EPHA3: variants seen among roughly 807,000 people sequenced by gnomAD.
EPHA3 encodes the protein EPH receptor A3.
Under a neutral mutation model 107.1 loss-of-function variants are expected in EPHA3, and 42 were observed. That is an observed-to-expected ratio of 0.39 (90% CI 0.31 to 0.51). The LOEUF (loss-of-function observed/expected upper bound fraction) is 0.51. Among genes scored for constraint, EPHA3 ranks in the 20% least tolerant of loss-of-function variants. The pLI is 0.78. For synonymous variants in EPHA3, 461 were observed against 424.8 expected (o/e 1.09, Z -1.05); for missense variants, 1,183 against 1,211.2 (o/e 0.98, Z 0.35).
At chr3:89,410,494 T>G (rs534410029) in intron 9 of EPHA3, among the ~76,000 whole-genome samples, 1 of 152,116 alleles carries the variant, frequency 6.6e-6, no homozygotes, top group African/African-American at 2.4e-5. Flanking sequence ...TTTCCTTAAC[T>G]TCAGCAAAGT....
chr3:89,175,320 T>C (rs1705298151), intron 2 of EPHA3, among the ~76,000 whole-genome samples: 1 of 152,066 alleles, frequency 6.6e-6, no homozygotes, highest in South Asian at 2.1e-4. Flanking sequence ...GTTGGAAAAG[T>C]GTCAATATTT....
intron 13 of EPHA3, among the ~76,000 whole-genome samples, chr3:89,445,144 T>C (rs1331725424): frequency 6.6e-6 from 1 of 152,082 alleles, no homozygotes; most frequent in African/African-American, 2.4e-5. Flanking sequence ...CGCACACCTC[T>C]AATCCCAGCT....
At chr3:89,300,424 G>C (rs1432228924) in intron 3 of EPHA3, among the ~76,000 whole-genome samples, 1 of 151,678 alleles carries the variant, frequency 6.6e-6, no homozygotes, top group Non-Finnish European at 1.5e-5. Context: ...TACACACACA[G>C]AGACATACAA....
intron 2 of EPHA3, among the ~76,000 whole-genome samples, chr3:89,179,496 A>G (rs1278605229): frequency 6.6e-6 from 1 of 152,042 alleles, no homozygotes; most frequent in Non-Finnish European, 1.5e-5. Flanking sequence ...GGTCCAGACC[A>G]GTCCAAGGGG....
chr3:89,414,388 C>CT (rs201173779), intron 10 of EPHA3, among the ~76,000 whole-genome samples: 1 of 151,570 alleles, frequency 6.6e-6, no homozygotes, highest in African/African-American at 2.4e-5. Context: ...GTAGTAACTT[C>CT]TTTTTTACAA....
At chr3:89,432,751 T>G (rs1261143088) in intron 13 of EPHA3, among the ~76,000 whole-genome samples, 9 of 152,118 alleles carry the variant, frequency 5.9e-5, no homozygotes, top group Non-Finnish European at 1.3e-4. Context: ...TAACTCCTCT[T>G]TTGGCATAAA....
At chr3:89,344,361 G>T (rs1707595912) in intron 5 of EPHA3, among the ~76,000 whole-genome samples, 1 of 152,036 alleles carries the variant, frequency 6.6e-6, no homozygotes, top group South Asian at 2.1e-4. Context: ...TTCAGCAAAG[G>T]TGATAGAAGT....
chr3:89,271,567 C>G (rs1705669455), intron 3 of EPHA3, among the ~76,000 whole-genome samples: 1 of 151,846 alleles, frequency 6.6e-6, no homozygotes, highest in Non-Finnish European at 1.5e-5. Flanking sequence ...TTCCATTTAA[C>G]TGGTAGTATG....
chr3:89,371,283 T>G (rs1372605939), intron 5 of EPHA3, among the ~76,000 whole-genome samples: 1 of 151,710 alleles, frequency 6.6e-6, no homozygotes, highest in East Asian at 1.9e-4. Flanking sequence ...TTGAGCACAT[T>G]TAAACAAAAA....
At chr3:89,160,166 A>G (rs1212880189) in intron 2 of EPHA3, among the ~76,000 whole-genome samples, 3 of 152,110 alleles carry the variant, frequency 2.0e-5, no homozygotes, top group Non-Finnish European at 2.9e-5. Context: ...GTAAATGAAC[A>G]TAATATATAA....
intron 5 of EPHA3, among the ~76,000 whole-genome samples, chr3:89,347,621 A>G (rs1457260994): frequency 1.6e-4 from 24 of 150,148 alleles, no homozygotes; most frequent in African/African-American, 4.6e-4. Flanking sequence ...TCTCCTGCCT[A>G]ATTGCCCTGG....
intron 1 of EPHA3, among the ~76,000 whole-genome samples, chr3:89,124,476 T>G (rs569582770): frequency 3.3e-5 from 5 of 152,212 alleles, no homozygotes; most frequent in African/African-American, 1.2e-4. Flanking sequence ...TTATTTTTAT[T>G]TGGGTACAAA....
In EPHA3 at chr3:89,341,076, G is replaced by C; in HGVS notation, c.970+5G>C. On this transcript the variant is annotated splice_donor_5th_base_variant and intron_variant, in intron 4 of 16. Coordinates refer to ENST00000336596, the MANE Select transcript of EPHA3 (RefSeq NM_005233.6). Reference sequence around the variant, plus strand: ...CTCCATCCATGGCTTGTACCCGTGAGTAGTTTTGCTGCAACCCATGCCTCC... The same window carrying C: ...CTCCATCCATGGCTTGTACCCGTGACTAGTTTTGCTGCAACCCATGCCTCC... 1 of 1,611,418 alleles carries C rather than the reference G, an allele frequency of 6.2e-7. No individual in the cohort carries two copies. The highest frequency in any genetic ancestry group is 8.5e-7 in the Non-Finnish European group (1 of 1,179,158).
intron 3 of EPHA3, among the ~76,000 whole-genome samples, chr3:89,217,989 G>A (rs1188149692): frequency 3.3e-5 from 5 of 152,062 alleles, no homozygotes; most frequent in African/African-American, 1.2e-4. Flanking sequence ...TTCATTTACT[G>A]TTTATCTCAT....
At chr3:89,268,520 T>C (rs1705589060) in intron 3 of EPHA3, among the ~76,000 whole-genome samples, 1 of 152,088 alleles carries the variant, frequency 6.6e-6, no homozygotes. Context: ...ATGTGTGGTC[T>C]ATCTGGTTTT....
At chr3:89,295,639 T>G (rs1180293076) in intron 3 of EPHA3, among the ~76,000 whole-genome samples, 2 of 152,198 alleles carry the variant, frequency 1.3e-5, no homozygotes, top group Non-Finnish European at 1.5e-5. Context: ...TCACTCAGGT[T>G]GGAGTGCCGT....
In EPHA3 at chr3:89,431,196, G is replaced by A. The variant is rs748206093; in HGVS notation, c.2183G>A (p.Arg728Gln). ...GTCATTCAGCTAGTGGGGATGCTTC[G>A]AGGGATAGCATCTGGCATGAAGTAC... Reference protein sequence around the residue: ...FTVIQLVGMLRGIASGMKYLS... With the variant: ...FTVIQLVGMLQGIASGMKYLS... The change falls in exon 13 of 17, where the codon CGA becomes CAA. Residue 728 changes from arginine to glutamine, a missense_variant. Physicochemically the swap from Arg to Gln is conservative, Grantham distance 43 (BLOSUM62 1). Transcript: ENST00000336596. 1 of 1,613,666 alleles carries A rather than the reference G, an allele frequency of 6.2e-7. No homozygotes were observed.
At chr3:89,208,018 G>A (rs1706148292) in intron 2 of EPHA3, among the ~76,000 whole-genome samples, 1 of 152,080 alleles carries the variant, frequency 6.6e-6, no homozygotes, top group Non-Finnish European at 1.5e-5. Context: ...TCTTAAGATT[G>A]TCAGGGTTAT....
At chr3:89,378,217 A>C (rs1394978395) in intron 5 of EPHA3, among the ~76,000 whole-genome samples, 1 of 152,060 alleles carries the variant, frequency 6.6e-6, no homozygotes, top group Non-Finnish European at 1.5e-5. Flanking sequence ...CCTATGCAAC[A>C]AAGGGGGACG....
Sources: allele counts gnomAD v4.1 joint callset (sites outside exome capture counted in the v4.1 genomes callset), GRCh38; gene constraint gnomAD v4.1.1; transcripts MANE v1.5; gene names NCBI Gene and HGNC (gene_info 2026-07-23, HGNC 2026-07-21).